Variants in NREP observed in about 807,000 individuals in gnomAD.
The protein encoded by NREP is neuronal regeneration-related protein.
Under a neutral mutation model 8.6 loss-of-function variants are expected in NREP, and 5 were observed. The ratio of observed to expected loss-of-function variants is 0.58; its 90% CI spans 0.30 to 1.22. The LOEUF is 1.22. Ranked by LOEUF, NREP falls within the 50% of genes most tolerant of loss-of-function variation. The pLI is 0.07. For missense variants in NREP, 86 were observed against 82.5 expected, an observed-to-expected ratio of 1.04 and a Z score of -0.17; for synonymous variants, 27 against 28.0, an observed-to-expected ratio of 0.96 and a Z score of 0.11.
intron 2 of NREP, among the ~76,000 whole-genome samples, chr5:111,880,827 C>A (rs1051686188): frequency 6.7e-6 from 1 of 148,766 alleles, no homozygotes; most frequent in African/African-American, 2.5e-5. Context: ...GCCTCAACAT[C>A]CCAGGCTCAT....
chr5:111,806,095 C>G (rs1162156254), intron 2 of NREP, among the ~76,000 whole-genome samples: 1 of 152,058 alleles, frequency 6.6e-6, no homozygotes, highest in African/African-American at 2.4e-5. Flanking sequence ...TTGTGTTATT[C>G]TTGCCTCTCT....
chr5:111,759,249 C>A (rs573498010), upstream of NREP, among the ~76,000 whole-genome samples: 89 of 152,202 alleles, frequency 5.8e-4, no homozygotes, highest in Non-Finnish European at 1.1e-3. Context: ...CAAGGGCGCA[C>A]CATCAAATCA....
At chr5:111,870,179 C>T (rs866612738) in intron 2 of NREP, among the ~76,000 whole-genome samples, 8 of 152,184 alleles carry the variant, frequency 5.3e-5, no homozygotes, top group African/African-American at 1.4e-4. Flanking sequence ...CCTGTAAACC[C>T]AGCACTTTGG....
chr5:111,800,446 T>C (rs963014660), intron 2 of NREP, among the ~76,000 whole-genome samples: 2 of 152,256 alleles, frequency 1.3e-5, no homozygotes, highest in Non-Finnish European at 2.9e-5. Flanking sequence ...AGTTTAATGC[T>C]CTGCTGTTGC....
intron 1 of NREP, chr5:111,975,384 G>T: frequency 6.5e-7 from 1 of 1,550,012 alleles, no homozygotes; most frequent in African/African-American, 1.4e-5. Flanking sequence ...CGGCTCTGCA[G>T]ACAAGACACA....
intron 2 of NREP, among the ~76,000 whole-genome samples, chr5:111,816,159 A>G (rs1167476344): frequency 6.6e-6 from 1 of 152,156 alleles, no homozygotes; most frequent in African/African-American, 2.4e-5. Flanking sequence ...TTAAAAATAT[A>G]TTTCCAAAAA....
chr5:111,888,384 A>G (rs1014566376), intron 2 of NREP, among the ~76,000 whole-genome samples: 3 of 152,082 alleles, frequency 2.0e-5, no homozygotes, highest in Non-Finnish European at 4.4e-5. Context: ...TGGGAGGCAA[A>G]GGAGAAGCAA....
intron 2 of NREP, among the ~76,000 whole-genome samples, chr5:111,950,575 C>CA (rs1188022263): frequency 6.7e-6 from 1 of 148,716 alleles, no homozygotes; most frequent in African/African-American, 2.6e-5. Flanking sequence ...AGAGCTTCTG[C>CA]ACGCAAAAGA....
chr5:111,964,378 T>G (rs541424901), intron 2 of NREP, among the ~76,000 whole-genome samples: 2 of 151,500 alleles, frequency 1.3e-5, no homozygotes, highest in East Asian at 1.9e-4. Flanking sequence ...TTTGGGGGGG[T>G]TTTCTTTGAG....
At position 111,859,937 on chromosome 5, in the gene NREP, T is replaced by C. The variant is rs549666503; in HGVS notation, c.135+115337A>G. ...TCTCCATCAATTTGATTTTAGAGGC[T>C]CACCCAAATTTCTTTCAGACTTCAG... On this transcript the variant is annotated intron_variant, in intron 2 of 3. Coordinates refer to the NREP transcript ENST00000395634. Among the ~76,000 whole-genome samples the C allele has an allele frequency of 2.6e-5, 4 of 152,308 alleles. No homozygotes were observed. In the South Asian group the frequency reaches 8.3e-4, roughly 32 times the overall value.
At chr5:111,736,394 A>G (rs565930827) in intron 2 of NREP, among the ~76,000 whole-genome samples, 1 of 152,340 alleles carries the variant, frequency 6.6e-6, no homozygotes, top group African/African-American at 2.4e-5. Context: ...GATTGAAAGC[A>G]GAGTGAAATT....
chr5:111,905,040 A>G (rs898453682), intron 2 of NREP, among the ~76,000 whole-genome samples: 13 of 152,118 alleles, frequency 8.5e-5, no homozygotes, highest in Admixed American at 2.0e-4. Context: ...TTATGTAAGT[A>G]TCTGAACCCC....
At chr5:111,944,399 C>T (rs1755918496) in intron 2 of NREP, among the ~76,000 whole-genome samples, 1 of 152,094 alleles carries the variant, frequency 6.6e-6, no homozygotes, top group African/African-American at 2.4e-5. Context: ...CCTCAACCTC[C>T]TGGGCTCAGG....
chr5:111,739,428 A>AGG, intron 2 of NREP: 1 of 152,374 alleles, frequency 6.6e-6, no homozygotes, highest in East Asian at 1.9e-4. Context: ...TGAACCCATG[A>AGG]GTTTCTGTGC....
intron 2 of NREP, among the ~76,000 whole-genome samples, chr5:111,901,918 A>G (rs899885890): frequency 3.3e-5 from 5 of 152,156 alleles, no homozygotes; most frequent in Admixed American, 2.0e-4. Flanking sequence ...TCAAAATACC[A>G]AAGACATTCC....
At chr5:111,886,855 G>A (rs1754264312) in intron 2 of NREP, among the ~76,000 whole-genome samples, 1 of 152,034 alleles carries the variant, frequency 6.6e-6, no homozygotes. Context: ...ATAGCATTAG[G>A]AGATAGACCT....
chr5:111,954,893 T>C (rs967752574), intron 2 of NREP, among the ~76,000 whole-genome samples: 2 of 152,148 alleles, frequency 1.3e-5, no homozygotes, highest in Non-Finnish European at 2.9e-5. Flanking sequence ...CTGAAAGGCA[T>C]AAAACCCTTG....
chr5:111,929,517 C>T (rs764492531), intron 2 of NREP, among the ~76,000 whole-genome samples: 44 of 152,168 alleles, frequency 2.9e-4, no homozygotes, highest in Non-Finnish European at 6.0e-4. Flanking sequence ...TTGTGCTGGC[C>T]ACATATATTT....
chr5:111,802,183 A>G (rs1752029483), intron 2 of NREP, among the ~76,000 whole-genome samples: 1 of 152,364 alleles, frequency 6.6e-6, no homozygotes, highest in African/African-American at 2.4e-5. Flanking sequence ...AAAGGGCTTA[A>G]TGAAGAATTT....
Sources: gnomAD v4.1 joint callset for allele counts (sites outside exome capture counted in the v4.1 genomes callset) on GRCh38, gnomAD v4.1.1 for gene constraint, MANE v1.5 for transcripts, NCBI Gene and HGNC (gene_info 2026-07-23, HGNC 2026-07-21) for gene names.